MCM9: variants seen among roughly 807,000 people sequenced by gnomAD.
MCM9 encodes minichromosome maintenance 9 homologous recombination repair factor, also known as DNA helicase MCM9.
MCM9 carries 55 observed loss-of-function variants against 72.8 expected under a neutral mutation model. That is an observed-to-expected ratio of 0.76 (90% CI 0.61 to 0.95). The LOEUF (loss-of-function observed/expected upper bound fraction) is 0.95, where lower values mean the gene tolerates loss of function less well. MCM9 is among the 40% of genes least tolerant of loss of function. The pLI is 0.00. For missense variants in MCM9, 1,279 were observed against 1,377.0 expected (o/e 0.93, Z 1.13); for synonymous variants, 480 against 503.4 (o/e 0.95, Z 0.62).
intron 9 of MCM9, among the ~76,000 whole-genome samples, chr6:118,829,599 T>C (rs1313408538): frequency 6.6e-6 from 1 of 152,214 alleles, no homozygotes; most frequent in Non-Finnish European, 1.5e-5. Context: ...ATGGTTAAGT[T>C]CTAAAAGAAT....
chr6:118,882,062 C>T (rs955964630), intron 8 of MCM9, among the ~76,000 whole-genome samples: 2 of 152,178 alleles, frequency 1.3e-5, no homozygotes, highest in African/African-American at 2.4e-5. Flanking sequence ...CAAAAGGTCA[C>T]GATCTTCCTT....
chr6:118,878,964 G>A (rs1488089033), intron 8 of MCM9, among the ~76,000 whole-genome samples: 1 of 152,054 alleles, frequency 6.6e-6, no homozygotes, highest in East Asian at 1.9e-4. Context: ...GTTGAGTTAG[G>A]AGAATCATTT....
chr6:118,911,129 G>A (rs1315677781), intron 8 of MCM9: 2 of 985,300 alleles, frequency 2.0e-6, no homozygotes, highest in Non-Finnish European at 2.4e-6. Flanking sequence ...GCTTTTAAGT[G>A]TACTTGCTAA....
intron 5 of MCM9, 53 bp from the exon 6 acceptor site, chr6:118,917,814 A>G (rs1411024021): frequency 1.3e-6 from 2 of 1,486,898 alleles, no homozygotes; most frequent in Non-Finnish European, 1.9e-6. Flanking sequence ...TGCTGAGCAC[A>G]GACTCAAAAT....
chr6:118,883,837 G>A (rs1025282559), intron 8 of MCM9, among the ~76,000 whole-genome samples: 1 of 152,170 alleles, frequency 6.6e-6, no homozygotes, highest in African/African-American at 2.4e-5. Context: ...ATTACTAAAG[G>A]AGGTTCTTTA....
chr6:118,906,181 T>C (rs2114552373), intron 8 of MCM9, among the ~76,000 whole-genome samples: 1 of 152,302 alleles, frequency 6.6e-6, no homozygotes. Context: ...CAAGCGATTC[T>C]CCTGTCTCAG....
chr6:118,856,355 T>G lies in MCM9; in HGVS notation c.1325+16A>C, dbSNP rs1263218952. 1 of 1,524,466 alleles carries G rather than the reference T, an allele frequency of 6.6e-7. No individual in the cohort carries two copies. The highest frequency in any genetic ancestry group is 1.2e-5 in the South Asian group (1 of 81,928). The allele number at this position is 1,524,466 out of a possible 1,614,324, so 94.4% of individuals were successfully genotyped here. A position where few individuals can be genotyped will look rare whatever the true frequency, so the allele number is the denominator to read the frequency against. ...AATAATCTCATTATTCCCATAGATT[T>G]TAAAGAAACTCTTACCCAGCCTTAG... On this transcript the variant is annotated intron_variant, in intron 9 of 13. Coordinates refer to ENST00000619706, the MANE Select transcript of MCM9 (RefSeq NM_017696.3).
intron 9 of MCM9, among the ~76,000 whole-genome samples, chr6:118,840,742 CTTT>C (rs36185833): frequency 2.6e-5 from 2 of 77,758 alleles, no homozygotes; most frequent in Non-Finnish European, 2.6e-5. Context: ...TCCCCCCCCC[CTTT>C]TTTTTTTTTT....
intron 9 of MCM9, among the ~76,000 whole-genome samples, chr6:118,850,029 A>G (rs1000602064): frequency 6.6e-6 from 1 of 151,938 alleles, no homozygotes; most frequent in Non-Finnish European, 1.5e-5. Flanking sequence ...AACAAGCTAT[A>G]TTTTGCAAAT....
intron 8 of MCM9, among the ~76,000 whole-genome samples, chr6:118,876,917 C>T (rs1349835912): frequency 6.6e-6 from 1 of 152,150 alleles, no homozygotes; most frequent in Non-Finnish European, 1.5e-5. Context: ...ATATCCCCTC[C>T]CCTTGAATCA....
intron 8 of MCM9, among the ~76,000 whole-genome samples, chr6:118,873,597 T>C (rs1055944824): frequency 1.3e-5 from 2 of 152,200 alleles, no homozygotes; most frequent in Non-Finnish European, 2.9e-5. Context: ...GCAATCTGAA[T>C]AGGCTTATAT....
At position 118,849,826 on chromosome 6, in the gene MCM9, G is replaced by A. The variant is rs562504423; in HGVS notation, c.1325+6545C>T. ...TTGCTATCTTTTGGATAAGAAAGAG[G>A]GGAGATGCATAAACAGGCACACATA... On this transcript the variant is annotated intron_variant, in intron 9 of 13. Coordinates refer to ENST00000619706, the MANE Select transcript of MCM9 (RefSeq NM_017696.3). 2.3e-4 allele frequency among the ~76,000 whole-genome samples: 35 copies of A among 151,880 alleles called. No individual in the cohort carries two copies. In the South Asian group the frequency reaches 7.1e-3, roughly 31 times the overall value.
chr6:118,885,355 A>G (rs143527323), intron 8 of MCM9, among the ~76,000 whole-genome samples: 131,691 of 152,166 alleles, frequency 0.87, 57,160 homozygotes, highest in East Asian at 0.96. Context: ...ATAAATATTA[A>G]AGCAGAAATT....
intron 8 of MCM9, among the ~76,000 whole-genome samples, chr6:118,858,337 A>T (rs562156425): frequency 1.3e-5 from 2 of 152,182 alleles, no homozygotes; most frequent in African/African-American, 4.8e-5. Flanking sequence ...CTCTCAAAAA[A>T]TTAGGAACGG....
chr6:118,836,360 T>C (rs1774959081), intron 9 of MCM9, among the ~76,000 whole-genome samples: 1 of 152,230 alleles, frequency 6.6e-6, no homozygotes, highest in African/African-American at 2.4e-5. Context: ...GCTGGCCTCA[T>C]AAAATGAGTT....
intron 8 of MCM9, among the ~76,000 whole-genome samples, chr6:118,893,593 T>G (rs890912975): frequency 1.3e-5 from 2 of 152,192 alleles, no homozygotes; most frequent in African/African-American, 4.8e-5. Context: ...GGCGCTGTCG[T>G]GCCTAAACGT....
At chr6:118,882,219 T>C (rs1778332867) in intron 8 of MCM9, among the ~76,000 whole-genome samples, 1 of 152,202 alleles carries the variant, frequency 6.6e-6, no homozygotes. Context: ...GGGCAGAGGC[T>C]ACCATTTCCG....
chr6:118,842,077 C>T (rs1775411183), intron 9 of MCM9, among the ~76,000 whole-genome samples: 1 of 152,224 alleles, frequency 6.6e-6, no homozygotes, highest in Non-Finnish European at 1.5e-5. Flanking sequence ...TTGTGATCCA[C>T]CCGCCTCTGC....
At chr6:118,850,637 G>A (rs1174145822) in intron 9 of MCM9, among the ~76,000 whole-genome samples, 2 of 151,804 alleles carry the variant, frequency 1.3e-5, no homozygotes, top group Non-Finnish European at 2.9e-5. Flanking sequence ...GATATTCACT[G>A]TTGTTATTGT....
Sources: allele counts gnomAD v4.1 joint callset (sites outside exome capture counted in the v4.1 genomes callset), GRCh38; gene constraint gnomAD v4.1.1; transcripts MANE v1.5; gene names NCBI Gene and HGNC (gene_info 2026-07-23, HGNC 2026-07-21).